EXOC2: variants seen among roughly 807,000 people sequenced by gnomAD.
EXOC2 encodes the protein SEC5-like 1.
In EXOC2, 70 loss-of-function variants were observed where a neutral mutation model predicts 131.8. The observed-to-expected ratio is 0.53, with a 90% CI of 0.44 to 0.65. The LOEUF is 0.65. EXOC2 is among the 30% of genes least tolerant of loss of function. The probability of loss-of-function intolerance (pLI) is 0.00; values close to 1 mark genes in which losing one functional copy is unlikely to be tolerated. For synonymous variants in EXOC2, 411 were observed against 398.4 expected (o/e 1.03, Z -0.38); for missense variants, 923 against 1,108.6 (o/e 0.83, Z 2.38).
intron 1 of EXOC2, among the ~76,000 whole-genome samples, chr6:683,842 C>A (rs527798645): frequency 3.3e-5 from 5 of 152,288 alleles, no homozygotes; most frequent in South Asian, 4.1e-4. Flanking sequence ...TCAACAGTGC[C>A]GTTAACATTT....
Position 517,849 on chromosome 6 carries a change from C to A in EXOC2, c.2380+14620G>T, listed in dbSNP as rs1183892283. On this transcript the variant is annotated intron_variant, in intron 23 of 27. Transcript: ENST00000230449. ...GGACAAAGGAACAGGTTAAATGACA[C>A]CATGAGGAAGCTATCTGAAAAATAT... Among the ~76,000 whole-genome samples the A allele has an allele frequency of 2.6e-5, 4 of 152,064 alleles. No individual in the cohort carries two copies. In the South Asian group the frequency reaches 6.2e-4, roughly 24 times the overall value.
At chr6:516,006 G>A (rs762124743) in intron 23 of EXOC2, among the ~76,000 whole-genome samples, 1 of 152,178 alleles carries the variant, frequency 6.6e-6, no homozygotes, top group African/African-American at 2.4e-5. Flanking sequence ...AATCATTGGA[G>A]CCTCAGCTGT....
intron 1 of EXOC2, among the ~76,000 whole-genome samples, chr6:647,703 G>A (rs1374611640): frequency 1.4e-5 from 2 of 143,938 alleles, no homozygotes; most frequent in Admixed American, 1.5e-4. Flanking sequence ...AATACCTCTG[G>A]TCTCAAAGAA....
intron 1 of EXOC2, among the ~76,000 whole-genome samples, chr6:647,360 C>A (rs1762620309): frequency 6.6e-6 from 1 of 151,374 alleles, no homozygotes; most frequent in Non-Finnish European, 1.5e-5. Context: ...TGTCAGAGAT[C>A]CTCAGCGGTT....
At chr6:652,078 A>C (rs1762860769) in intron 1 of EXOC2, among the ~76,000 whole-genome samples, 1 of 151,926 alleles carries the variant, frequency 6.6e-6, no homozygotes, top group Non-Finnish European at 1.5e-5. Flanking sequence ...AAAACTTCAC[A>C]AACAGCTCTG....
intron 1 of EXOC2, among the ~76,000 whole-genome samples, chr6:678,476 G>A (rs1047945180): frequency 2.0e-5 from 3 of 152,224 alleles, no homozygotes; most frequent in Non-Finnish European, 4.4e-5. Context: ...GGCCAGGTGC[G>A]TCATTAGCTG....
chr6:533,188 T>A (rs1217766484), intron 22 of EXOC2, among the ~76,000 whole-genome samples: 1 of 152,174 alleles, frequency 6.6e-6, no homozygotes, highest in Non-Finnish European at 1.5e-5. Context: ...AAGAGGAGAT[T>A]TGGGTAGGGA....
rs1344645172 is a variant in EXOC2 at position 619,484 on chromosome 6, G to A, written c.482C>T (p.Thr161Ile). 4 of 1,613,900 alleles carry A rather than the reference G, an allele frequency of 2.5e-6. No individual in the cohort carries two copies. The highest frequency in any genetic ancestry group is 3.4e-6 in the Non-Finnish European group (4 of 1,179,972). ...MLFHGMSADF[T>I]SENFSAAWYL... ...CCAGGCTGCTGAGAAATTCTCACTTGTAAAATCAGCACTCATTCCATGGAA... is the reference window on the plus strand; with the variant it reads ...CCAGGCTGCTGAGAAATTCTCACTTATAAAATCAGCACTCATTCCATGGAA... Residue 161 changes from threonine (T) to isoleucine (I), a missense_variant, in exon 5 of 28, where the codon ACA (threonine) becomes ATA (isoleucine). Coordinates refer to ENST00000230449, the MANE Select transcript of EXOC2 (RefSeq NM_018303.6).
chr6:586,912 G>T (rs1007812113), intron 11 of EXOC2, among the ~76,000 whole-genome samples: 1 of 152,196 alleles, frequency 6.6e-6, no homozygotes, highest in African/African-American at 2.4e-5. Context: ...TGTCACATGC[G>T]AAATAGAGCT....
intron 1 of EXOC2, chr6:656,697 G>A: frequency 1.2e-6 from 2 of 1,605,330 alleles, no homozygotes; most frequent in Non-Finnish European, 1.7e-6. Context: ...GTGCTCCGCC[G>A]TCAGCTCCAG....
chr6:608,737 C>CT, intron 7 of EXOC2, among the ~76,000 whole-genome samples: 1 of 152,298 alleles, frequency 6.6e-6, no homozygotes, highest in South Asian at 2.1e-4. Flanking sequence ...CAAGGATCTC[C>CT]TTCTCTGATA....
chr6:536,326 TTCTA>T (rs1206399705), intron 22 of EXOC2, among the ~76,000 whole-genome samples: 3 of 145,332 alleles, frequency 2.1e-5, no homozygotes, highest in Non-Finnish European at 4.5e-5. Flanking sequence ...TCAATTATAT[TTCTA>T]TATAATAGAC....
At chr6:528,276 A>C (rs1021404348) in intron 23 of EXOC2, among the ~76,000 whole-genome samples, 1 of 152,252 alleles carries the variant, frequency 6.6e-6, no homozygotes, top group African/African-American at 2.4e-5. Flanking sequence ...TACAGCAATA[A>C]GTAATCAGTT....
chr6:564,947 C>T lies in EXOC2; in HGVS notation c.1444-18G>A, dbSNP rs891608172. ...TCAGCAGTCTTAAAAATTAAAAAAACAAAATAAAACATATTAGAAATAATT... is the reference window on the plus strand; with the variant it reads ...TCAGCAGTCTTAAAAATTAAAAAAATAAAATAAAACATATTAGAAATAATT... On this transcript the variant is annotated intron_variant, in intron 13 of 27. Transcript: ENST00000230449. 2 of 1,564,466 alleles carry T rather than the reference C, an allele frequency of 1.3e-6. No homozygotes were observed. Among genetic ancestry groups the T allele is most frequent in the African/African-American group, 2.8e-5 (2 of 72,234 alleles).
intron 1 of EXOC2, among the ~76,000 whole-genome samples, chr6:680,894 C>T (rs1336047251): frequency 6.6e-6 from 1 of 152,198 alleles, no homozygotes; most frequent in East Asian, 1.9e-4. Flanking sequence ...GTGCCAGACA[C>T]TCAGTGAAAC....
At chr6:515,933 C>T (rs551024225) in intron 23 of EXOC2, among the ~76,000 whole-genome samples, 7 of 152,144 alleles carry the variant, frequency 4.6e-5, no homozygotes, top group Non-Finnish European at 8.8e-5. Flanking sequence ...TGTTCACCAG[C>T]GACTAAACTA....
At chr6:666,664 T>C (rs2762446) in intron 1 of EXOC2, among the ~76,000 whole-genome samples, 42,922 of 94,966 alleles carry the variant, frequency 0.45, 17,782 homozygotes, top group East Asian at 0.97. Flanking sequence ...GTGGCACAGC[T>C]GTTACAACTG....
chr6:644,329 C>G (rs1359763267), intron 1 of EXOC2, among the ~76,000 whole-genome samples: 1 of 152,090 alleles, frequency 6.6e-6, no homozygotes, highest in African/African-American at 2.4e-5. Context: ...TCTCAACAAA[C>G]TAAGACTACA....
chr6:654,473 C>T (rs916301558), intron 1 of EXOC2, among the ~76,000 whole-genome samples: 2 of 152,072 alleles, frequency 1.3e-5, no homozygotes, highest in Admixed American at 6.5e-5. Flanking sequence ...AGGATGTCAC[C>T]GCAAGTATGG....
Sources: allele counts gnomAD v4.1 joint callset (sites outside exome capture counted in the v4.1 genomes callset), GRCh38; gene constraint gnomAD v4.1.1; transcripts MANE v1.5; gene names NCBI Gene and HGNC (gene_info 2026-07-23, HGNC 2026-07-21).